TMEM132C: variants seen among roughly 807,000 people sequenced by gnomAD.
TMEM132C encodes the protein transmembrane protein 132C.
A neutral mutation model predicts 61.4 loss-of-function variants in TMEM132C; 29 were observed. The observed-to-expected ratio is 0.47, with a 90% confidence interval of 0.35 to 0.64. TMEM132C has a LOEUF of 0.64. TMEM132C is among the 30% of genes least tolerant of loss of function. The probability of loss-of-function intolerance (pLI) is 0.00; values close to 1 mark genes in which losing one functional copy is unlikely to be tolerated. For missense variants in TMEM132C, 1,408 were observed against 1,476.9 expected (o/e 0.95, Z 0.76); for synonymous variants, 656 against 633.1 (o/e 1.04, Z -0.54).
chr12:128,392,395 T>C (rs776373220), intron 1 of TMEM132C, among the ~76,000 whole-genome samples: 30 of 152,190 alleles, frequency 2.0e-4, no homozygotes, highest in Non-Finnish European at 3.8e-4. Flanking sequence ...CAAATAACAT[T>C]TGAGTGTGAG....
chr12:128,329,503 G>C (rs1872616039), intron 1 of TMEM132C, among the ~76,000 whole-genome samples: 1 of 152,134 alleles, frequency 6.6e-6, no homozygotes, highest in Non-Finnish European at 1.5e-5. Flanking sequence ...GGTTCTTAGG[G>C]AAGAACAAAG....
rs915473572 is a variant in TMEM132C, at chr12:128,543,494, G to A, written c.975-463G>A. On this transcript the variant is annotated intron_variant, in intron 2 of 8. Transcript: ENST00000435159. ...TGGCTCTGTGTGGTGGGGCTTTCAA[G>A]TGGGTTGCAGGCTGTTTAGCTACGT... Among the ~76,000 whole-genome samples, 110 of 152,272 alleles carry A rather than the reference G, an allele frequency of 7.2e-4. 1 individual carries two copies. Among genetic ancestry groups the A allele is most frequent in the African/African-American group, 2.6e-3 (107 of 41,566 alleles).
intron 1 of TMEM132C, among the ~76,000 whole-genome samples, chr12:128,375,805 G>A (rs1235586611): frequency 6.6e-6 from 1 of 152,186 alleles, no homozygotes; most frequent in African/African-American, 2.4e-5. Flanking sequence ...GTTGGGAGTT[G>A]GGGATGGTAT....
At chr12:128,701,125 C>A (rs1044873368) in intron 8 of TMEM132C, among the ~76,000 whole-genome samples, 6 of 152,124 alleles carry the variant, frequency 3.9e-5, no homozygotes, top group South Asian at 2.1e-4. Flanking sequence ...AATATAACAA[C>A]TTCCATGAGT....
chr12:128,535,038 A>C lies in TMEM132C; in HGVS notation c.975-8919A>C, dbSNP rs115969878. Among the ~76,000 whole-genome samples the C allele has an allele frequency of 6.4e-3, 970 of 152,368 alleles. 20 individuals carry two copies. The highest frequency in any genetic ancestry group is 0.022 in the African/African-American group (935 of 41,588). On this transcript the variant is annotated intron_variant, in intron 2 of 8. Transcript: ENST00000435159. Reference sequence around the variant, plus strand: ...CCAGCAGTAGAAGTAGAAGGTGTCCATGCTATGAACACAACTGGGGCATTC... The same window carrying C: ...CCAGCAGTAGAAGTAGAAGGTGTCCCTGCTATGAACACAACTGGGGCATTC...
Position 128,693,826 on chromosome 12 carries a change from C to T in TMEM132C, c.1450-3C>T, listed in dbSNP as rs1271931063. ...TCCATCCTTTCTCCCTCTGTCTTTG[C>T]AGGTGTCTGAGCGCTGTGACTACAT... On this transcript the variant is annotated splice_polypyrimidine_tract_variant and splice_region_variant and intron_variant, in intron 5 of 8. Transcript: ENST00000435159. The T allele has an allele frequency of 6.4e-7, 1 of 1,551,592 alleles. No homozygotes were observed. Among genetic ancestry groups the T allele is most frequent in the Non-Finnish European group, 8.7e-7 (1 of 1,146,972 alleles).
At position 128,267,505 on chromosome 12, in the gene TMEM132C, G is replaced by A; in HGVS notation, c.85+18G>A. Reference sequence around the variant, plus strand: ...GGGCAAAGGTAAGGCCGGGGCGGGTGCCTGGCGCGCCGACGCATGCGAACT... The same window carrying A: ...GGGCAAAGGTAAGGCCGGGGCGGGTACCTGGCGCGCCGACGCATGCGAACT... On this transcript the variant is annotated intron_variant, in intron 1 of 8. Transcript: ENST00000435159. 1.6e-6 allele frequency: 2 copies of A among 1,235,806 alleles called. No homozygotes were observed. The highest frequency in any genetic ancestry group is 3.4e-5 in the South Asian group (1 of 29,522). 76.6% of individuals were successfully genotyped at this position (1,235,806 alleles called of 1,614,324 possible).
chr12:128,516,116 G>C (rs75335042), intron 2 of TMEM132C, among the ~76,000 whole-genome samples: 1 of 152,110 alleles, frequency 6.6e-6, no homozygotes, highest in Non-Finnish European at 1.5e-5. Flanking sequence ...AGTAGGGTCC[G>C]CACTGAGACC....
intron 1 of TMEM132C, among the ~76,000 whole-genome samples, chr12:128,279,736 C>T (rs1183121582): frequency 1.3e-5 from 2 of 152,228 alleles, no homozygotes; most frequent in East Asian, 3.9e-4. Flanking sequence ...TCTCCCTATG[C>T]ACATTGTCTG....
Position 128,399,061 on chromosome 12 carries a change from A to G in TMEM132C, c.86-15671A>G, listed in dbSNP as rs529689322. Among the ~76,000 whole-genome samples, 11 of 152,336 alleles carry G rather than the reference A, an allele frequency of 7.2e-5. No homozygotes were observed. The South Asian group carries it at 1.4e-3, about 20-fold the overall frequency. On this transcript the variant is annotated intron_variant, in intron 1 of 8. Coordinates refer to ENST00000435159, the MANE Select transcript of TMEM132C (RefSeq NM_001136103.3). ...CTCAACCATCAGGAAAGCATTTTCT[A>G]CTTTGTCCCCTAAGACTTGTCATTA...
intron 1 of TMEM132C, among the ~76,000 whole-genome samples, chr12:128,383,435 C>T (rs1234449634): frequency 6.6e-6 from 1 of 152,216 alleles, no homozygotes; most frequent in African/African-American, 2.4e-5. Flanking sequence ...GCTGAGTCGA[C>T]CTGTCCTCAG....
chr12:128,458,298 T>G (rs1870416447), intron 2 of TMEM132C, among the ~76,000 whole-genome samples: 1 of 1,952 alleles, frequency 5.1e-4, no homozygotes, highest in African/African-American at 5.5e-4. Context: ...TGTAATTATA[T>G]AATTATACTA....
At chr12:128,492,324 C>T (rs375463436) in intron 2 of TMEM132C, among the ~76,000 whole-genome samples, 1 of 152,072 alleles carries the variant, frequency 6.6e-6, no homozygotes, top group African/African-American at 2.4e-5. Flanking sequence ...TGTGCATGTG[C>T]CTTTATAGCA....
intron 1 of TMEM132C, among the ~76,000 whole-genome samples, chr12:128,362,812 T>C (rs961150902): frequency 6.6e-6 from 1 of 152,228 alleles, no homozygotes; most frequent in African/African-American, 2.4e-5. Flanking sequence ...GAAGTGAGTC[T>C]GCAAATCTTG....
chr12:128,368,162 G>A (rs1296362494), intron 1 of TMEM132C, among the ~76,000 whole-genome samples: 1 of 152,204 alleles, frequency 6.6e-6, no homozygotes, highest in East Asian at 1.9e-4. Context: ...ATGGACATGG[G>A]GCATAGTTCA....
intron 4 of TMEM132C, among the ~76,000 whole-genome samples, chr12:128,639,247 AATG>A (rs368764696): frequency 0.13 from 17,012 of 135,196 alleles, 1,411 homozygotes; most frequent in African/African-American, 0.24. Flanking sequence ...TGATGGTGAT[AATG>A]ATGATGGTGA....
At chr12:128,546,524 G>T (rs182932524) in intron 3 of TMEM132C, among the ~76,000 whole-genome samples, 169 of 152,256 alleles carry the variant, frequency 1.1e-3, no homozygotes, top group African/African-American at 4.0e-3. Flanking sequence ...AGTTGTGTTT[G>T]CTGTCTCAGT....
chr12:128,582,490 A>G (rs1014633274), intron 3 of TMEM132C, among the ~76,000 whole-genome samples: 2 of 150,816 alleles, frequency 1.3e-5, no homozygotes, highest in South Asian at 2.1e-4. Context: ...TCCCCACCCA[A>G]ATCTCATCTT....
chr12:128,697,003 A>G (rs536329698), intron 7 of TMEM132C, among the ~76,000 whole-genome samples: 64 of 152,272 alleles, frequency 4.2e-4, no homozygotes, highest in Admixed American at 1.2e-3. Context: ...ATCTATTCCA[A>G]TTTTTTAACA....
Sources: allele counts gnomAD v4.1 joint callset (sites outside exome capture counted in the v4.1 genomes callset), GRCh38; gene constraint gnomAD v4.1.1; transcripts MANE v1.5; gene names NCBI Gene and HGNC (gene_info 2026-07-23, HGNC 2026-07-21).